Variants in EPB41 observed in about 807,000 individuals in gnomAD.
EPB41 encodes erythrocyte membrane protein band 4.1, also known as protein 4.1.
A neutral mutation model predicts 108.0 loss-of-function variants in EPB41; 65 were observed. The ratio of observed to expected loss-of-function variants is 0.60; its 90% CI spans 0.49 to 0.74. The LOEUF (loss-of-function observed/expected upper bound fraction) is 0.74, where lower values mean the gene tolerates loss of function less well. EPB41 is among the 30% of genes least tolerant of loss of function. The pLI is 0.00. For synonymous variants in EPB41, 336 were observed against 358.9 expected (o/e 0.94, Z 0.72); for missense variants, 875 against 1,037.0 (o/e 0.84, Z 2.15).
chr1:28,926,366 C>A (rs1283080360), intron 1 of EPB41, among the ~76,000 whole-genome samples: 1 of 152,080 alleles, frequency 6.6e-6, no homozygotes, highest in African/African-American at 2.4e-5. Context: ...ATAAATGTTA[C>A]CCATTATTAT....
chr1:29,089,746 A>AGAGGT (rs1660516080), intron 16 of EPB41, among the ~76,000 whole-genome samples: 1 of 152,194 alleles, frequency 6.6e-6, no homozygotes, highest in South Asian at 2.1e-4. Flanking sequence ...AGCTGGAGAG[A>AGAGGT]GAGGTAAGGG....
chr1:29,098,050 C>A, intron 17 of EPB41, 115 bp downstream of exon 17: 1 of 1,459,280 alleles, frequency 6.9e-7, no homozygotes, highest in East Asian at 2.4e-5. Context: ...TGGGGCAGTT[C>A]TTTTTAGAAG....
At chr1:28,917,279 T>G (rs1289369220) in intron 1 of EPB41, among the ~76,000 whole-genome samples, 1 of 151,718 alleles carries the variant, frequency 6.6e-6, no homozygotes, top group Admixed American at 6.6e-5. Context: ...TGTGTGTGTG[T>G]GTATTTATTT....
chr1:29,099,002 G>A lies in EPB41; in HGVS notation c.2313+1067G>A, dbSNP rs527818954. ...GGCCTCCCAAAGTGCTGGGATTATA[G>A]TTCTTTTTAGGAGAGATTACTGGTG... On this transcript the variant is annotated intron_variant, in intron 17 of 20. Coordinates refer to ENST00000343067, the MANE Select transcript of EPB41 (RefSeq NM_001376013.1). Among the ~76,000 whole-genome samples, 38 of 150,086 alleles carry A rather than the reference G, an allele frequency of 2.5e-4. No homozygotes were observed. In the East Asian group the frequency reaches 7.6e-3, roughly 30 times the overall value.
At chr1:28,908,114 T>G (rs1451073148) in intron 1 of EPB41, among the ~76,000 whole-genome samples, 1 of 152,020 alleles carries the variant, frequency 6.6e-6, no homozygotes, top group Non-Finnish European at 1.5e-5. Flanking sequence ...TAAATCTAGT[T>G]GTTATGGCTG....
chr1:29,086,984 G>A (rs868581777), intron 16 of EPB41, among the ~76,000 whole-genome samples: 2 of 118,098 alleles, frequency 1.7e-5, no homozygotes, highest in South Asian at 2.7e-4. Context: ...TTGCTCTGTC[G>A]CCCAGGCTGG....
At chr1:28,969,275 G>A (rs1454688287) in intron 1 of EPB41, among the ~76,000 whole-genome samples, 1 of 151,656 alleles carries the variant, frequency 6.6e-6, no homozygotes, top group Admixed American at 6.6e-5. Context: ...AATAGAGACA[G>A]GGTCTCACCA....
chr1:28,887,692 C>T lies in EPB41; in HGVS notation c.-8+482C>T. 1.0e-6 allele frequency: 1 copy of T among 985,214 alleles called. No homozygotes were observed. Among genetic ancestry groups the T allele is most frequent in the Non-Finnish European group, 1.2e-6 (1 of 829,772 alleles). The allele number at this position is 985,214 out of a possible 1,614,324, so 61.0% of individuals were successfully genotyped here. ...CCTGGAGCCCCGCGCCCCGCTCCGG[C>T]CCTTACGTAACTGACTTTGAGTTTC... On this transcript the variant is annotated intron_variant, in intron 1 of 16. Transcript: ENST00000347529. The surrounding 1 kb of genome is among the most constrained non-coding windows in gnomAD (Gnocchi z 4.9).
intron 1 of EPB41, among the ~76,000 whole-genome samples, chr1:28,890,402 G>T (rs1427027075): frequency 6.6e-6 from 1 of 152,162 alleles, no homozygotes; most frequent in African/African-American, 2.4e-5. Context: ...TAGTCACTTT[G>T]CTCCCTGGGT....
chr1:28,931,894 T>G (rs904440317), intron 1 of EPB41, among the ~76,000 whole-genome samples: 3 of 152,226 alleles, frequency 2.0e-5, no homozygotes, highest in Non-Finnish European at 4.4e-5. Flanking sequence ...TCCTTTTAGC[T>G]TGGTGGCCTT....
chr1:29,038,238 A>T (rs1223747564), intron 10 of EPB41, among the ~76,000 whole-genome samples: 1 of 152,230 alleles, frequency 6.6e-6, no homozygotes, highest in Non-Finnish European at 1.5e-5. Flanking sequence ...ATTGGCATTA[A>T]CACATTTATT....
At chr1:29,075,156 CAAAA>C (rs397979778) in intron 16 of EPB41, among the ~76,000 whole-genome samples, 2 of 97,568 alleles carry the variant, frequency 2.0e-5, no homozygotes, top group African/African-American at 4.2e-5. Context: ...GACTCCGTCT[CAAAA>C]AAAAAAAAAA....
intron 16 of EPB41, among the ~76,000 whole-genome samples, chr1:29,086,855 A>G (rs569349591): frequency 6.6e-6 from 1 of 151,978 alleles, no homozygotes; most frequent in Non-Finnish European, 1.5e-5. Context: ...GCTCTTATGT[A>G]GCAAAATTTT....
chr1:29,085,214 C>G (rs1176491500), intron 16 of EPB41, among the ~76,000 whole-genome samples: 1 of 144,168 alleles, frequency 6.9e-6, no homozygotes, highest in African/African-American at 2.6e-5. Flanking sequence ...ATGACCTTGG[C>G]TCACTGCAAC....
At chr1:29,053,535 T>C in intron 12 of EPB41, 1 of 549,704 alleles carries the variant, frequency 1.8e-6, no homozygotes, top group Non-Finnish European at 3.3e-6. Flanking sequence ...GGTGACCCAC[T>C]CCTTGACCCA....
chr1:28,939,138 T>A (rs973126843), intron 1 of EPB41, among the ~76,000 whole-genome samples: 12 of 152,192 alleles, frequency 7.9e-5, no homozygotes, highest in African/African-American at 2.7e-4. Context: ...GGATTTTTTT[T>A]AGATACTTTT....
intron 16 of EPB41, among the ~76,000 whole-genome samples, chr1:29,073,397 C>A (rs1289913129): frequency 6.6e-6 from 1 of 152,154 alleles, no homozygotes; most frequent in Non-Finnish European, 1.5e-5. Context: ...AAACCTACTT[C>A]ATGAGAATGA....
chr1:29,034,158 A>G (rs1326515966), intron 9 of EPB41, among the ~76,000 whole-genome samples: 3 of 152,196 alleles, frequency 2.0e-5, no homozygotes, highest in African/African-American at 7.2e-5. Context: ...TATTTTACCT[A>G]TGCCTAGCAC....
At chr1:28,928,373 C>G (rs573640482) in intron 1 of EPB41, among the ~76,000 whole-genome samples, 3 of 152,284 alleles carry the variant, frequency 2.0e-5, no homozygotes, top group African/African-American at 7.2e-5. Context: ...ACAGGCCCCA[C>G]TTCTTTCATG....
Sources: allele counts gnomAD v4.1 joint callset (sites outside exome capture counted in the v4.1 genomes callset), GRCh38; gene constraint gnomAD v4.1.1; non-coding constraint Gnocchi (gnomAD v3.1); transcripts MANE v1.5; gene names NCBI Gene and HGNC (gene_info 2026-07-23, HGNC 2026-07-21).